The following NALF1 variants were observed in gnomAD, a reference collection of about 807,000 sequenced individuals.
NALF1 encodes the protein NALCN channel auxiliary factor 1, also known as family with sequence similarity 155 member A.
In NALF1, 3 loss-of-function variants were observed where a neutral mutation model predicts 48.4. The ratio of observed to expected loss-of-function variants is 0.06; its 90% CI spans 0.03 to 0.16. The LOEUF is 0.16. Ranked by LOEUF, NALF1 falls within the 10% of genes least tolerant of loss-of-function variation. The probability of loss-of-function intolerance (pLI) is 1.00; values close to 1 mark genes in which losing one functional copy is unlikely to be tolerated. For synonymous variants in NALF1, 262 were observed against 245.7 expected (o/e 1.07, Z -0.62); for missense variants, 526 against 571.5 (o/e 0.92, Z 0.81).
chr13:107,350,077 C>G (rs943211661), intron 1 of NALF1, among the ~76,000 whole-genome samples: 1 of 152,152 alleles, frequency 6.6e-6, no homozygotes, highest in Non-Finnish European at 1.5e-5. Flanking sequence ...AGCCACTGAT[C>G]TGACGGGAGG....
At chr13:107,303,777 C>T (rs963491) in intron 1 of NALF1, among the ~76,000 whole-genome samples, 48 of 152,306 alleles carry the variant, frequency 3.2e-4, no homozygotes, top group Non-Finnish European at 5.4e-4. Context: ...TTAGAAAAAG[C>T]CCACTCAAAA....
intron 1 of NALF1, among the ~76,000 whole-genome samples, chr13:107,214,487 G>T (rs905784084): frequency 6.6e-6 from 1 of 152,118 alleles, no homozygotes; most frequent in Non-Finnish European, 1.5e-5. Context: ...CTGTGGGAAG[G>T]AATAAAAATG....
intron 1 of NALF1, among the ~76,000 whole-genome samples, chr13:107,641,690 G>C (rs928844955): frequency 1.3e-5 from 2 of 152,218 alleles, no homozygotes; most frequent in Non-Finnish European, 2.9e-5. Context: ...GAATTGAATA[G>C]TCGGAGTCTC....
chr13:107,258,734 A>G (rs1880870371), intron 1 of NALF1, among the ~76,000 whole-genome samples: 1 of 152,214 alleles, frequency 6.6e-6, no homozygotes, highest in Non-Finnish European at 1.5e-5. Context: ...AGCTTCCAAA[A>G]GCAGGAAGAC....
intron 1 of NALF1, among the ~76,000 whole-genome samples, chr13:107,766,010 T>C (rs909628647): frequency 8.5e-5 from 10 of 118,250 alleles, no homozygotes; most frequent in Middle Eastern, 3.7e-3. Flanking sequence ...TCTGTTCCTT[T>C]GTTCACGTAA....
intron 1 of NALF1, among the ~76,000 whole-genome samples, chr13:107,445,152 T>A (rs1446931565): frequency 2.0e-5 from 3 of 152,176 alleles, no homozygotes; most frequent in African/African-American, 7.2e-5. Context: ...TTCTATGCAA[T>A]TCCATCACTT....
chr13:107,728,949 T>A lies in NALF1; in HGVS notation c.915+136733A>T, dbSNP rs901159840. Among the ~76,000 whole-genome samples, 32 of 152,124 alleles carry A rather than the reference T, an allele frequency of 2.1e-4. 1 individual carries two copies. The highest frequency in any genetic ancestry group is 5.9e-5 in the Non-Finnish European group (4 of 68,018). On this transcript the variant is annotated intron_variant, in intron 1 of 2. Transcript: ENST00000375915. ...AAAGCCATGCAATTCTTGGAAGACA[T>A]TTTGACTTTCTTGAGACTAAGAAGT...
chr13:107,271,807 TATA>T (rs1566470760), intron 1 of NALF1, among the ~76,000 whole-genome samples: 2,391 of 46,958 alleles, frequency 0.051, 70 homozygotes, highest in South Asian at 0.2. Context: ...TATATATATA[TATA>T]TATATATTTA....
At chr13:107,797,776 G>C (rs1014207) in intron 1 of NALF1, among the ~76,000 whole-genome samples, 53,979 of 150,224 alleles carry the variant, frequency 0.36, 10,242 homozygotes, top group Admixed American at 0.46. Context: ...AAGATAAAAA[G>C]AATAAAAGTA....
chr13:107,721,250 T>C (rs544395472), intron 1 of NALF1, among the ~76,000 whole-genome samples: 9 of 152,174 alleles, frequency 5.9e-5, no homozygotes, highest in African/African-American at 2.2e-4. Flanking sequence ...ATGAAGTTAA[T>C]ACATGTAAAA....
At chr13:107,183,501 C>A (rs906443942) in intron 2 of NALF1, among the ~76,000 whole-genome samples, 2 of 152,012 alleles carry the variant, frequency 1.3e-5, no homozygotes, top group South Asian at 4.1e-4. Context: ...GGGTATATAC[C>A]CAAAGGATCA....
At chr13:107,701,609 T>C (rs3905066) in intron 1 of NALF1, among the ~76,000 whole-genome samples, 50,829 of 151,946 alleles carry the variant, frequency 0.33, 8,901 homozygotes, top group Middle Eastern at 0.53. Flanking sequence ...TAGATGTGGG[T>C]CAAAAAACAC....
intron 2 of NALF1, among the ~76,000 whole-genome samples, chr13:107,209,625 T>C (rs969652800): frequency 6.6e-6 from 1 of 152,214 alleles, no homozygotes; most frequent in Non-Finnish European, 1.5e-5. Context: ...GATGCTGAAA[T>C]AATTTGATAA....
chr13:107,420,697 GCTTT>G (rs1884170845), intron 1 of NALF1, among the ~76,000 whole-genome samples: 1 of 152,044 alleles, frequency 6.6e-6, no homozygotes, highest in African/African-American at 2.4e-5. Flanking sequence ...ACAAATATAT[GCTTT>G]CTATTTATTT....
chr13:107,677,368 G>A (rs1881159081), intron 1 of NALF1, among the ~76,000 whole-genome samples: 1 of 152,198 alleles, frequency 6.6e-6, no homozygotes, highest in South Asian at 2.1e-4. Context: ...CCACAGATGT[G>A]TAAATGTGTA....
chr13:107,541,932 A>T, intron 1 of NALF1, among the ~76,000 whole-genome samples: 1 of 151,948 alleles, frequency 6.6e-6, no homozygotes, highest in East Asian at 1.9e-4. Flanking sequence ...CTATGAATAG[A>T]GAAGTTTCAG....
chr13:107,371,661 C>T (rs1883250853), intron 1 of NALF1, among the ~76,000 whole-genome samples: 1 of 152,014 alleles, frequency 6.6e-6, no homozygotes, highest in Admixed American at 6.6e-5. Context: ...TAGTAGTTAT[C>T]ATTGAGGTTG....
intron 1 of NALF1, among the ~76,000 whole-genome samples, chr13:107,776,431 GTAA>G (rs890566060): frequency 1.4e-4 from 21 of 152,262 alleles, no homozygotes; most frequent in African/African-American, 5.1e-4. Flanking sequence ...GAAGCTTTCA[GTAA>G]TAATATCATT....
chr13:107,830,411 CA>C (rs1407959062), intron 1 of NALF1, among the ~76,000 whole-genome samples: 1 of 152,194 alleles, frequency 6.6e-6, no homozygotes, highest in Non-Finnish European at 1.5e-5. Context: ...CAACAATGCA[CA>C]AGGGTTCCAA....
Sources: gnomAD v4.1 joint callset for allele counts (sites outside exome capture counted in the v4.1 genomes callset) on GRCh38, gnomAD v4.1.1 for gene constraint, MANE v1.5 for transcripts, NCBI Gene and HGNC (gene_info 2026-07-23, HGNC 2026-07-21) for gene names.